Variants in MAGI1 observed in about 807,000 individuals in gnomAD.
The protein encoded by MAGI1 is membrane-associated guanylate kinase, WW and PDZ domain-containing protein 1.
Under a neutral mutation model 139.9 loss-of-function variants are expected in MAGI1, and 58 were observed. The ratio of observed to expected loss-of-function variants is 0.41; its 90% CI spans 0.34 to 0.52. The LOEUF (loss-of-function observed/expected upper bound fraction) is 0.52, where lower values mean the gene tolerates loss of function less well. Ranked by LOEUF, MAGI1 falls within the 20% of genes least tolerant of loss-of-function variation. The probability of loss-of-function intolerance (pLI) is 0.12; values close to 1 mark genes in which losing one functional copy is unlikely to be tolerated. For missense variants in MAGI1, 1,874 were observed against 1,901.6 expected (o/e 0.99, Z 0.27); for synonymous variants, 812 against 737.9 (o/e 1.10, Z -1.63).
At chr3:65,584,081 C>T (rs2081560825) in intron 2 of MAGI1, among the ~76,000 whole-genome samples, 1 of 114,112 alleles carries the variant, frequency 8.8e-6, no homozygotes, top group African/African-American at 3.2e-5. Flanking sequence ...CAAAAATCTA[C>T]TCTTGAAAAA....
At chr3:65,456,074 T>G (rs970348466) in intron 5 of MAGI1, among the ~76,000 whole-genome samples, 1 of 152,248 alleles carries the variant, frequency 6.6e-6, no homozygotes, top group South Asian at 2.1e-4. Context: ...ATGAGCTGCA[T>G]GCTTAGTTTC....
chr3:65,364,050 A>G (rs937606822), intron 20 of MAGI1, among the ~76,000 whole-genome samples: 1 of 151,868 alleles, frequency 6.6e-6, no homozygotes, highest in Non-Finnish European at 1.5e-5. Flanking sequence ...ACCAGTAAAG[A>G]AAGAACCCAG....
intron 1 of MAGI1, among the ~76,000 whole-genome samples, chr3:66,014,848 C>G (rs2067536007): frequency 6.6e-6 from 1 of 152,162 alleles, no homozygotes; most frequent in Non-Finnish European, 1.5e-5. Flanking sequence ...TTTCCTGCCT[C>G]CAGGCCTTTG....
intron 12 of MAGI1, among the ~76,000 whole-genome samples, chr3:65,402,767 A>T (rs1187662830): frequency 6.6e-6 from 1 of 152,142 alleles, no homozygotes; most frequent in Non-Finnish European, 1.5e-5. Flanking sequence ...GAGCCGGCAG[A>T]GTGCCCACTG....
chr3:65,724,895 A>G (rs919813850), intron 1 of MAGI1, among the ~76,000 whole-genome samples: 2 of 152,074 alleles, frequency 1.3e-5, no homozygotes, highest in Non-Finnish European at 2.9e-5. Flanking sequence ...CCATGATTCA[A>G]TTACCTCCCA....
chr3:65,710,269 CTTTTTTTTTTTT>C (rs1175790063), intron 1 of MAGI1, among the ~76,000 whole-genome samples: 6 of 66,906 alleles, frequency 9.0e-5, no homozygotes, highest in Admixed American at 1.8e-4. Flanking sequence ...CCTTACATTT[CTTTTTTTTTTTT>C]TTTTTTTTTT....
intron 1 of MAGI1, among the ~76,000 whole-genome samples, chr3:65,797,858 A>G (rs2040247371): frequency 6.6e-6 from 1 of 152,228 alleles, no homozygotes; most frequent in Non-Finnish European, 1.5e-5. Flanking sequence ...TATGTTGGGA[A>G]GTTTTGTCAT....
At chr3:65,773,976 A>G (rs1352026728) in intron 1 of MAGI1, among the ~76,000 whole-genome samples, 1 of 130,058 alleles carries the variant, frequency 7.7e-6, no homozygotes, top group African/African-American at 3.0e-5. Context: ...ACAGGAAGAG[A>G]AAAAAATTCC....
At chr3:65,843,838 T>G in intron 1 of MAGI1, 2 of 191,618 alleles carry the variant, frequency 1.0e-5, no homozygotes, top group East Asian at 1.6e-4. Context: ...GAGAAGAGAG[T>G]TTTATGGTCA....
At chr3:65,596,982 C>T (rs1232476158) in intron 2 of MAGI1, among the ~76,000 whole-genome samples, 1 of 152,150 alleles carries the variant, frequency 6.6e-6, no homozygotes, top group Non-Finnish European at 1.5e-5. Context: ...GCAGCCCTTC[C>T]GTTTCTAATT....
At chr3:65,808,868 T>A (rs2041041011) in intron 1 of MAGI1, among the ~76,000 whole-genome samples, 1 of 152,138 alleles carries the variant, frequency 6.6e-6, no homozygotes, top group African/African-American at 2.4e-5. Context: ...TACAAGAACA[T>A]TAATTAACTT....
At chr3:65,634,821 A>G (rs928526899) in intron 1 of MAGI1, among the ~76,000 whole-genome samples, 1 of 152,214 alleles carries the variant, frequency 6.6e-6, no homozygotes, top group Non-Finnish European at 1.5e-5. Context: ...ACGAATGCTG[A>G]TAAGTGACAA....
At chr3:65,993,427 C>G (rs1474401299) in intron 1 of MAGI1, among the ~76,000 whole-genome samples, 1 of 152,112 alleles carries the variant, frequency 6.6e-6, no homozygotes, top group Non-Finnish European at 1.5e-5. Flanking sequence ...GAAGAACCAG[C>G]AAGCCCTTAC....
intron 1 of MAGI1, among the ~76,000 whole-genome samples, chr3:65,732,849 A>ATGACTC (rs1334046100): frequency 6.6e-6 from 1 of 152,164 alleles, no homozygotes; most frequent in Non-Finnish European, 1.5e-5. Flanking sequence ...CAAAAAAACT[A>ATGACTC]TGACTCTGAT....
intron 1 of MAGI1, among the ~76,000 whole-genome samples, chr3:65,840,966 T>A (rs1263733506): frequency 6.6e-6 from 1 of 152,160 alleles, no homozygotes; most frequent in Non-Finnish European, 1.5e-5. Context: ...TTAAAAATAA[T>A]AGAGCTATTC....
chr3:65,791,739 T>A (rs2039788481), intron 1 of MAGI1, among the ~76,000 whole-genome samples: 1 of 152,176 alleles, frequency 6.6e-6, no homozygotes, highest in Non-Finnish European at 1.5e-5. Flanking sequence ...TGTGTGTGTG[T>A]TTTTCCATTT....
chr3:65,481,921 C>T (rs777644246), intron 3 of MAGI1, among the ~76,000 whole-genome samples: 1 of 152,290 alleles, frequency 6.6e-6, no homozygotes, highest in Non-Finnish European at 1.5e-5. Flanking sequence ...CAAAACAATC[C>T]ACTTGTTCAC....
rs1395596929 is a variant in MAGI1, at chr3:65,354,967, T to A, written c.*1411A>T. The A allele has an allele frequency of 6.6e-6, 1 of 152,254 alleles. No individual in the cohort carries two copies. The highest frequency in any genetic ancestry group is 2.4e-5 in the African/African-American group (1 of 41,282). 9.4% of individuals were successfully genotyped at this position (152,254 alleles called of 1,614,324 possible). On this transcript the variant is annotated 3_prime_UTR_variant, in exon 23 of 23. Transcript: ENST00000402939. ...TGACTTGCAAAGTTTTCTGTCTCTA[T>A]GGAAAATGCAAAACAGTACTACAGA... is the stretch of plus-strand genomic sequence containing the variant.
intron 1 of MAGI1, among the ~76,000 whole-genome samples, chr3:66,001,311 C>T (rs2066725704): frequency 6.6e-6 from 1 of 152,110 alleles, no homozygotes; most frequent in South Asian, 2.1e-4. Context: ...TTAAAATAAA[C>T]TTTGAATATT....
Sources: gnomAD v4.1 joint callset for allele counts (sites outside exome capture counted in the v4.1 genomes callset) on GRCh38, gnomAD v4.1.1 for gene constraint, MANE v1.5 for transcripts, NCBI Gene and HGNC (gene_info 2026-07-23, HGNC 2026-07-21) for gene names.